Variants in GRM8 observed in about 807,000 individuals in gnomAD.
The protein encoded by GRM8 is metabotropic glutamate receptor 8.
In GRM8, 47 loss-of-function variants were observed where a neutral mutation model predicts 87.2. That is an observed-to-expected ratio of 0.54 (90% CI 0.43 to 0.69). The LOEUF (loss-of-function observed/expected upper bound fraction) is 0.69, where lower values mean the gene tolerates loss of function less well. Ranked by LOEUF, GRM8 falls within the 30% of genes least tolerant of loss-of-function variation. The pLI is 0.00. For synonymous variants in GRM8, 396 were observed against 404.5 expected, an observed-to-expected ratio of 0.98 and a Z score of 0.25; for missense variants, 1,019 against 1,139.2, an observed-to-expected ratio of 0.89 and a Z score of 1.52.
chr7:127,068,926 G>T (rs1821400356), intron 3 of GRM8, among the ~76,000 whole-genome samples: 1 of 152,134 alleles, frequency 6.6e-6, no homozygotes. Flanking sequence ...AGCATGTGTG[G>T]ACAGAGAAAA....
chr7:127,166,921 C>A (rs1793486453), intron 2 of GRM8, among the ~76,000 whole-genome samples: 1 of 152,120 alleles, frequency 6.6e-6, no homozygotes, highest in Admixed American at 6.5e-5. Flanking sequence ...CCAGACAATA[C>A]TTTACCCTGA....
intron 6 of GRM8, among the ~76,000 whole-genome samples, chr7:126,816,183 C>G (rs948179950): frequency 6.6e-6 from 1 of 152,062 alleles, no homozygotes; most frequent in Admixed American, 6.6e-5. Context: ...AAACCAAACA[C>G]GTAAGATGCC....
intron 7 of GRM8, among the ~76,000 whole-genome samples, chr7:126,663,326 A>G (rs1347210928): frequency 6.6e-6 from 1 of 152,232 alleles, no homozygotes; most frequent in East Asian, 1.9e-4. Context: ...AAAAGCTGGC[A>G]AAGACACAAA....
intron 2 of GRM8, among the ~76,000 whole-genome samples, chr7:127,146,720 C>T (rs527774541): frequency 6.6e-6 from 1 of 152,126 alleles, no homozygotes; most frequent in South Asian, 2.1e-4. Context: ...ACAGCTAAGG[C>T]TACTAATCCC....
intron 6 of GRM8, among the ~76,000 whole-genome samples, chr7:126,847,869 G>C (rs1048551310): frequency 6.6e-6 from 1 of 152,168 alleles, no homozygotes; most frequent in African/African-American, 2.4e-5. Flanking sequence ...TATATTGGTG[G>C]ATCCACTTTG....
At chr7:127,022,415 T>C (rs1816366408) in intron 3 of GRM8, among the ~76,000 whole-genome samples, 2 of 152,090 alleles carry the variant, frequency 1.3e-5, no homozygotes, top group African/African-American at 4.8e-5. Flanking sequence ...AATATTATTT[T>C]TTTAAATTTA....
rs559442327 is a variant in GRM8, at chr7:127,048,658, G to A, written c.727+57838C>T. The stretch of plus-strand genomic sequence containing the variant: ...TTTAAATAACTTGCCAAGTCACACA[G>A]CTAATATAAAGCAGAGCTGGTTTTA... On this transcript the variant is annotated intron_variant, in intron 3 of 10. Coordinates refer to ENST00000339582, the MANE Select transcript of GRM8 (RefSeq NM_000845.3). 4.6e-5 allele frequency among the ~76,000 whole-genome samples: 7 copies of A among 152,330 alleles called. No homozygotes were observed. In the South Asian group the frequency reaches 1.4e-3, roughly 32 times the overall value.
At chr7:127,115,296 C>T (rs1018824773) in intron 2 of GRM8, among the ~76,000 whole-genome samples, 34 of 152,136 alleles carry the variant, frequency 2.2e-4, no homozygotes, top group Non-Finnish European at 2.9e-5. Flanking sequence ...TTAATCATTG[C>T]TCACTGGACA....
At chr7:127,229,005 T>C (rs1238675423) in intron 2 of GRM8, 1 of 152,210 alleles carries the variant, frequency 6.6e-6, no homozygotes, top group Non-Finnish European at 1.5e-5. Flanking sequence ...TATTCATCAA[T>C]CCTATACCAC....
chr7:126,827,127 T>C (rs923853183), intron 6 of GRM8, among the ~76,000 whole-genome samples: 1 of 152,164 alleles, frequency 6.6e-6, no homozygotes, highest in Non-Finnish European at 1.5e-5. Flanking sequence ...AGCCTTGTAG[T>C]ATAGTTTGAA....
intron 2 of GRM8, among the ~76,000 whole-genome samples, chr7:127,181,669 T>G (rs550507185): frequency 2.0e-3 from 304 of 152,050 alleles, no homozygotes; most frequent in African/African-American, 7.1e-3. Flanking sequence ...TGAAACAGGA[T>G]AGAGAACCCA....
At chr7:126,684,616 A>G (rs1034869374) in intron 7 of GRM8, among the ~76,000 whole-genome samples, 4 of 152,202 alleles carry the variant, frequency 2.6e-5, no homozygotes, top group Admixed American at 2.0e-4. Context: ...AAGGAGTATA[A>G]TGGAGTTGCA....
intron 8 of GRM8, among the ~76,000 whole-genome samples, chr7:126,584,189 T>C (rs984924884): frequency 1.3e-5 from 2 of 152,096 alleles, no homozygotes; most frequent in African/African-American, 2.4e-5. Context: ...TATATTGCCA[T>C]GGCACACTTA....
intron 7 of GRM8, among the ~76,000 whole-genome samples, chr7:126,750,210 G>A (rs1816261774): frequency 6.6e-6 from 1 of 152,060 alleles, no homozygotes; most frequent in Admixed American, 6.6e-5. Context: ...CTAAGTGGGA[G>A]AAAGAACACA....
At chr7:126,848,856 C>G (rs1004198883) in intron 6 of GRM8, among the ~76,000 whole-genome samples, 3 of 152,044 alleles carry the variant, frequency 2.0e-5, no homozygotes, top group African/African-American at 7.2e-5. Context: ...AAGACATACC[C>G]AAGACTGGGC....
chr7:126,570,388 T>C (rs936037946), intron 8 of GRM8, among the ~76,000 whole-genome samples: 1 of 152,150 alleles, frequency 6.6e-6, no homozygotes, highest in Non-Finnish European at 1.5e-5. Flanking sequence ...ACTTCTTAAA[T>C]TATAACTTTA....
intron 7 of GRM8, among the ~76,000 whole-genome samples, chr7:126,756,788 CTT>C (rs1422723594): frequency 3.3e-5 from 5 of 152,020 alleles, no homozygotes; most frequent in African/African-American, 4.8e-5. Flanking sequence ...GGATAGAGGA[CTT>C]TTAGGTCAGA....
chr7:126,565,308 T>TA (rs943888252), intron 8 of GRM8, among the ~76,000 whole-genome samples: 17 of 151,940 alleles, frequency 1.1e-4, no homozygotes, highest in African/African-American at 3.6e-4. Context: ...ACTCAATTAT[T>TA]AAAAAAACAA....
intron 9 of GRM8, among the ~76,000 whole-genome samples, chr7:126,513,549 G>T (rs1770778431): frequency 6.6e-6 from 1 of 152,074 alleles, no homozygotes. Flanking sequence ...CCACTTTCCA[G>T]TCTTGGCTAA....
Sources: allele counts gnomAD v4.1 joint callset (sites outside exome capture counted in the v4.1 genomes callset), GRCh38; gene constraint gnomAD v4.1.1; transcripts MANE v1.5; gene names NCBI Gene and HGNC (gene_info 2026-07-23, HGNC 2026-07-21).